Variants in C10orf90 observed in about 807,000 individuals in gnomAD.
The protein encoded by C10orf90 is (E2-independent) E3 ubiquitin-conjugating enzyme FATS.
In C10orf90, 56 loss-of-function variants were observed where a neutral mutation model predicts 62.5. That is an observed-to-expected ratio of 0.90 (90% CI 0.72 to 1.12). The LOEUF (loss-of-function observed/expected upper bound fraction) is 1.12, where lower values mean the gene tolerates loss of function less well. Ranked by LOEUF, C10orf90 falls within the 50% of genes most tolerant of loss-of-function variation. C10orf90 has a pLI of 0.00. For synonymous variants in C10orf90, 386 were observed against 340.4 expected (o/e 1.13, Z -1.47); for missense variants, 970 against 880.4 (o/e 1.10, Z -1.29).
intron 1 of C10orf90, among the ~76,000 whole-genome samples, chr10:126,663,905 A>C (rs1846569512): frequency 6.6e-6 from 1 of 152,202 alleles, no homozygotes; most frequent in Admixed American, 6.5e-5. Context: ...GCAATCTTCC[A>C]TAAGATGGTA....
chr10:126,509,782 T>A (rs1215039540), intron 3 of C10orf90, among the ~76,000 whole-genome samples: 3 of 152,192 alleles, frequency 2.0e-5, no homozygotes, highest in Non-Finnish European at 4.4e-5. Context: ...GGAAGTTCTG[T>A]GTATTAAACC....
chr10:126,490,037 TATATATTA>T, intron 4 of C10orf90, among the ~76,000 whole-genome samples: 1 of 112,532 alleles, frequency 8.9e-6, no homozygotes, highest in Non-Finnish European at 1.7e-5. Context: ...TAATATATAA[TATATATTA>T]TATATTATGT....
intron 6 of C10orf90, 141 bp downstream of exon 6, chr10:126,461,260 G>A: frequency 1.1e-6 from 1 of 905,912 alleles, no homozygotes; most frequent in Non-Finnish European, 1.6e-6. Flanking sequence ...AAGCTTAGGG[G>A]ACCTGCCCAG....
intron 2 of C10orf90, among the ~76,000 whole-genome samples, chr10:126,522,092 A>C (rs1161339458): frequency 6.6e-6 from 1 of 152,080 alleles, no homozygotes; most frequent in Admixed American, 6.5e-5. Flanking sequence ...AACATGGAGA[A>C]ACCCCATCTC....
At chr10:126,631,647 A>C (rs184594973) in intron 2 of C10orf90, among the ~76,000 whole-genome samples, 1 of 152,040 alleles carries the variant, frequency 6.6e-6, no homozygotes, top group East Asian at 1.9e-4. Context: ...ATTCAGTAAG[A>C]GGGGAACCAC....
At chr10:126,501,906 T>G (rs1450095904) in intron 4 of C10orf90, among the ~76,000 whole-genome samples, 1 of 151,378 alleles carries the variant, frequency 6.6e-6, no homozygotes, top group African/African-American at 2.4e-5. Flanking sequence ...CTTCAGAGAC[T>G]CAGAAAGGGG....
In C10orf90 at chr10:126,504,281, CT is replaced by C; in HGVS notation, c.1209del (p.Asp404MetfsTer3). On this transcript the variant is annotated frameshift_variant, in exon 4 of 10. Coordinates refer to ENST00000488181, the MANE Select transcript of C10orf90 (RefSeq NM_001350921.2). LOFTEE classifies it high-confidence loss of function. The surrounding 1 kb of genome is among the most constrained non-coding windows in gnomAD (Gnocchi z 4.1). ...CSSHRLTADG[V>X]DGLVNREPIS... is the part of the protein sequence containing the mutation. ...ATTGGCTCTCTGTTCACTAGGCCAT[CT>C]ACTCCATCTGCTGTTAATCTGTGGG... 1 of 1,614,200 alleles carries C rather than the reference CT, an allele frequency of 6.2e-7. No homozygotes were observed. Among genetic ancestry groups the C allele is most frequent in the South Asian group, 1.1e-5 (1 of 91,082 alleles).
chr10:126,569,034 C>CG (rs35628995), intron 2 of C10orf90, among the ~76,000 whole-genome samples: 1 of 152,008 alleles, frequency 6.6e-6, no homozygotes, highest in East Asian at 1.9e-4. Context: ...GGCAGCAGCC[C>CG]GGGGGCAGGG....
chr10:126,660,498 C>T (rs986170134), intron 1 of C10orf90, among the ~76,000 whole-genome samples: 1 of 152,216 alleles, frequency 6.6e-6, no homozygotes, highest in African/African-American at 2.4e-5. Context: ...GGCTAACAGC[C>T]AGTAAGAAAA....
Position 126,577,916 on chromosome 10 carries a change from G to A in C10orf90, c.314-63977C>T, listed in dbSNP as rs1029654354. Reference sequence around the variant, plus strand: ...GGTCTTTCAAAAAAAGGGATTGTGTGGAATAGATATCCATATGAGAGAAAA... The same window carrying A: ...GGTCTTTCAAAAAAAGGGATTGTGTAGAATAGATATCCATATGAGAGAAAA... On this transcript the variant is annotated intron_variant, in intron 2 of 9. Transcript: ENST00000488181. 2.6e-5 allele frequency among the ~76,000 whole-genome samples: 4 copies of A among 152,104 alleles called. No individual in the cohort carries two copies. In the South Asian group the frequency reaches 6.2e-4, roughly 24 times the overall value.
chr10:126,519,962 C>T (rs1442603536), intron 2 of C10orf90, among the ~76,000 whole-genome samples: 2 of 152,156 alleles, frequency 1.3e-5, no homozygotes, highest in African/African-American at 2.4e-5. Flanking sequence ...CAAAAGGAAA[C>T]CAAGCCCCCT....
intron 7 of C10orf90, among the ~76,000 whole-genome samples, chr10:126,452,699 T>TA (rs1859284010): frequency 6.6e-6 from 1 of 152,216 alleles, no homozygotes; most frequent in Admixed American, 6.5e-5. Context: ...AGTATCTTAA[T>TA]AAAAACATAA....
At chr10:126,669,140 C>T (rs1343643042) in intron 1 of C10orf90, among the ~76,000 whole-genome samples, 1 of 152,216 alleles carries the variant, frequency 6.6e-6, no homozygotes, top group Non-Finnish European at 1.5e-5. Flanking sequence ...TCTCTGATTT[C>T]TTTCAATTAT....
At chr10:126,569,053 G>A (rs1343552700) in intron 2 of C10orf90, among the ~76,000 whole-genome samples, 1 of 152,110 alleles carries the variant, frequency 6.6e-6, no homozygotes, top group African/African-American at 2.4e-5. Context: ...GGTGCAGGGT[G>A]ACGTCAGCTG....
intron 7 of C10orf90, among the ~76,000 whole-genome samples, 197 bp from the exon 8 acceptor site, chr10:126,430,047 C>A (rs1208427530): frequency 2.6e-5 from 4 of 152,170 alleles, no homozygotes; most frequent in Non-Finnish European, 4.4e-5. Flanking sequence ...TTGGTCTTGA[C>A]AATAGTTAAA....
In C10orf90 at chr10:126,644,089, C is replaced by T. The variant is rs76982998; in HGVS notation, c.313+2476G>A. On this transcript the variant is annotated intron_variant, in intron 2 of 9. Coordinates refer to ENST00000488181, the MANE Select transcript of C10orf90 (RefSeq NM_001350921.2). The stretch of plus-strand genomic sequence containing the variant: ...ATTAGTGAGAATCCCTCTGAGCCCA[C>T]GATTGGAGAGAATCCTGCTAAGCCA... Among the ~76,000 whole-genome samples the T allele has an allele frequency of 6.9e-3, 1,045 of 152,336 alleles. 8 individuals carry two copies. Among genetic ancestry groups the T allele is most frequent in the Middle Eastern group, 0.027 (8 of 294 alleles).
intron 7 of C10orf90, among the ~76,000 whole-genome samples, chr10:126,438,343 G>A (rs568319503): frequency 5.1e-4 from 78 of 152,264 alleles, no homozygotes; most frequent in Non-Finnish European, 8.2e-4. Context: ...GGGTTTCATT[G>A]GCAAAGCATT....
intron 4 of C10orf90, chr10:126,469,946 T>A: frequency 2.2e-6 from 1 of 456,760 alleles, no homozygotes; most frequent in Middle Eastern, 3.3e-4. Context: ...TTCTTCTGCA[T>A]GCAATAAATA....
At chr10:126,608,961 T>C (rs1845373009) in intron 2 of C10orf90, among the ~76,000 whole-genome samples, 1 of 151,946 alleles carries the variant, frequency 6.6e-6, no homozygotes, top group South Asian at 2.1e-4. Context: ...TTTTAAAGAG[T>C]ATATAGGAGT....
Sources: allele counts gnomAD v4.1 joint callset (sites outside exome capture counted in the v4.1 genomes callset), GRCh38; gene constraint gnomAD v4.1.1; non-coding constraint Gnocchi (gnomAD v3.1); transcripts MANE v1.5; gene names NCBI Gene and HGNC (gene_info 2026-07-23, HGNC 2026-07-21).